The following DOCK7 variants were observed in gnomAD, a reference collection of about 807,000 sequenced individuals.
DOCK7 encodes the protein dedicator of cytokinesis protein 7.
DOCK7 carries 138 observed loss-of-function variants against 271.0 expected under a neutral mutation model. The ratio of observed to expected loss-of-function variants is 0.51; its 90% CI spans 0.44 to 0.59. The LOEUF is 0.59. Among genes scored for constraint, DOCK7 ranks in the 20% least tolerant of loss-of-function variants. DOCK7 has a pLI of 0.00. For missense variants in DOCK7, 2,066 were observed against 2,592.4 expected (o/e 0.80, Z 4.41); for synonymous variants, 823 against 876.1 (o/e 0.94, Z 1.07).
At position 62,654,039 on chromosome 1, in the gene DOCK7, C is replaced by T. The variant is rs1657690929; in HGVS notation, c.265G>A (p.Val89Ile). 1 of 1,613,826 alleles carries T rather than the reference C, an allele frequency of 6.2e-7. No homozygotes were observed. The highest frequency in any genetic ancestry group is 1.3e-5 in the African/African-American group (1 of 74,888). Residue 89 changes from valine (V) to isoleucine (I), a missense_variant, in exon 3 of 50, where the codon GTT becomes ATT. This residue lies in a region of DOCK7 where 1,414 missense variants were observed against 1,670.4 expected (regional missense o/e 0.85). Coordinates refer to ENST00000635253, the MANE Select transcript of DOCK7 (RefSeq NM_001367561.1). ...CTGCAGTCCCGAGGACTATAAACAA[C>T]TTCAATATCATCTGGAGGAAATTCA... ...LIEFPPDDIE[V>I]VYSPRDCRTL...
intron 14 of DOCK7, chr1:62,607,919 A>C (rs984667908): frequency 4.6e-5 from 7 of 152,040 alleles, no homozygotes; most frequent in African/African-American, 1.7e-4. Context: ...CCACCTCTAC[A>C]AAAAATACAA....
intron 2 of DOCK7, among the ~76,000 whole-genome samples, chr1:62,659,039 A>G (rs1274034320): frequency 2.0e-5 from 3 of 152,192 alleles, no homozygotes; most frequent in African/African-American, 7.2e-5. Context: ...CAGCAGATCT[A>G]TTCTAAAAGA....
chr1:62,521,100 CAG>C (rs1166659983), intron 31 of DOCK7, among the ~76,000 whole-genome samples: 1 of 142,850 alleles, frequency 7.0e-6, no homozygotes, highest in African/African-American at 2.6e-5. Flanking sequence ...TGGGGCCTGT[CAG>C]GGGGTAGGGG....
rs1210855661 is a variant in DOCK7, at chr1:62,475,918, T to A, written c.5750A>T (p.Glu1917Val). 5.0e-6 allele frequency: 8 copies of A among 1,613,936 alleles called. No individual in the cohort carries two copies. The highest frequency in any genetic ancestry group is 6.8e-6 in the Non-Finnish European group (8 of 1,179,894). The change falls in exon 46 of 50, where the codon GAG (glutamate) becomes GTG (valine). Residue 1917 changes from glutamate (E) to valine (V), a missense_variant. Around this residue, in one of 2 missense-constraint regions of DOCK7, gnomAD observed 652 missense variants for 922.1 expected, o/e 0.71. Coordinates refer to ENST00000635253, the MANE Select transcript of DOCK7 (RefSeq NM_001367561.1). ...NKAYIQITYV[E>V]PYFDTYEMKD... ...CATCTCATATGTGTCAAAGTATGGCTCCACATAGGTAATCTGAATATATGC... is the reference window on the plus strand; with the variant it reads ...CATCTCATATGTGTCAAAGTATGGCACCACATAGGTAATCTGAATATATGC...
intron 25 of DOCK7, among the ~76,000 whole-genome samples, chr1:62,541,062 C>T (rs1409029838): frequency 6.6e-6 from 1 of 151,794 alleles, no homozygotes; most frequent in Non-Finnish European, 1.5e-5. Context: ...TCTGGAAGAT[C>T]CTTTTCTCTT....
chr1:62,471,603 G>A (rs1645832578), intron 48 of DOCK7, among the ~76,000 whole-genome samples: 1 of 152,176 alleles, frequency 6.6e-6, no homozygotes, highest in Non-Finnish European at 1.5e-5. Context: ...GCAGTGAGTT[G>A]TGATTGTGTC....
intron 1 of DOCK7, among the ~76,000 whole-genome samples, chr1:62,667,935 G>T (rs2149732099): frequency 6.6e-6 from 1 of 152,196 alleles, no homozygotes; most frequent in East Asian, 1.9e-4. Context: ...CAGGGGAATT[G>T]CTTGAACCAG....
intron 1 of DOCK7, among the ~76,000 whole-genome samples, chr1:62,677,600 T>C (rs1273452361): frequency 6.6e-6 from 1 of 151,544 alleles, no homozygotes; most frequent in Non-Finnish European, 1.5e-5. Context: ...CAGTGATATA[T>C]CCAGAGTATC....
At chr1:62,621,139 A>C (rs1653176690) in intron 12 of DOCK7, among the ~76,000 whole-genome samples, 2 of 151,660 alleles carry the variant, frequency 1.3e-5, no homozygotes, top group African/African-American at 4.8e-5. Flanking sequence ...AGGAAGAGAG[A>C]GGAAGAAGAG....
At chr1:62,599,477 T>C (rs568210095) in intron 14 of DOCK7, among the ~76,000 whole-genome samples, 1 of 152,142 alleles carries the variant, frequency 6.6e-6, no homozygotes, top group Admixed American at 6.6e-5. Flanking sequence ...CCCTGAAAAC[T>C]TCTACTTCCT....
At chr1:62,633,461 T>C (rs1571846285) in intron 10 of DOCK7, 37 bp downstream of exon 10, 1 of 1,461,810 alleles carries the variant, frequency 6.8e-7, no homozygotes, top group Non-Finnish European at 9.6e-7. Context: ...GTTACAATAG[T>C]AATAATGTGG....
At chr1:62,482,541 T>G (rs1646158745) in intron 43 of DOCK7, 1 of 151,992 alleles carries the variant, frequency 6.6e-6, no homozygotes, top group Non-Finnish European at 1.5e-5. Flanking sequence ...TCCATGTTGG[T>G]CAGGCTTAGG....
At chr1:62,603,859 T>G in intron 14 of DOCK7, 1 of 1,028,666 alleles carries the variant, frequency 9.7e-7, no homozygotes. Flanking sequence ...GATCAAGGGA[T>G]TCAAGACTAA....
chr1:62,528,013 T>C, intron 31 of DOCK7, 138 bp downstream of exon 31: 1 of 905,784 alleles, frequency 1.1e-6, no homozygotes. Context: ...GTTAATATTC[T>C]GGGAACTTTA....
intron 22 of DOCK7, among the ~76,000 whole-genome samples, chr1:62,551,623 T>G (rs1645908125): frequency 6.6e-6 from 1 of 152,034 alleles, no homozygotes; most frequent in Non-Finnish European, 1.5e-5. Flanking sequence ...GAGATAAAAT[T>G]ATATACATTA....
At chr1:62,511,405 CA>C (rs1182453962) in intron 33 of DOCK7, 1 of 152,090 alleles carries the variant, frequency 6.6e-6, no homozygotes, top group Non-Finnish European at 1.5e-5. Flanking sequence ...GGAGAATACA[CA>C]AATATACATT....
At chr1:62,464,141 C>T (rs184448304) in intron 48 of DOCK7, among the ~76,000 whole-genome samples, 41 of 152,052 alleles carry the variant, frequency 2.7e-4, no homozygotes, top group African/African-American at 8.9e-4. Context: ...CTTGCTGCAA[C>T]GTTTGCCTCC....
intron 31 of DOCK7, among the ~76,000 whole-genome samples, chr1:62,522,697 A>T (rs1371098007): frequency 6.6e-6 from 1 of 152,104 alleles, no homozygotes; most frequent in African/African-American, 2.4e-5. Context: ...TACATATATA[A>T]AAAAACTGAC....
chr1:62,527,207 C>T (rs1358034116), intron 31 of DOCK7, among the ~76,000 whole-genome samples: 1 of 151,994 alleles, frequency 6.6e-6, no homozygotes, highest in Non-Finnish European at 1.5e-5. Flanking sequence ...GATCCTTCTG[C>T]CTTTAAGAGG....
Sources: gnomAD v4.1 joint callset for allele counts (sites outside exome capture counted in the v4.1 genomes callset) on GRCh38, gnomAD v4.1.1 for gene constraint, gnomAD v4.1.1 regional missense constraint, MANE v1.5 for transcripts, NCBI Gene and HGNC (gene_info 2026-07-23, HGNC 2026-07-21) for gene names.